Variants in PKNOX2 observed in about 807,000 individuals in gnomAD.
PKNOX2 encodes the protein homeobox protein PKNOX2.
PKNOX2 carries 14 observed loss-of-function variants against 53.1 expected under a neutral mutation model. The ratio of observed to expected loss-of-function variants is 0.26; its 90% CI spans 0.17 to 0.41. The LOEUF is 0.41. Among genes scored for constraint, PKNOX2 ranks in the 10% least tolerant of loss-of-function variants. PKNOX2 has a pLI of 1.00. For synonymous variants in PKNOX2, 257 were observed against 242.8 expected (o/e 1.06, Z -0.54); for missense variants, 496 against 602.8 (o/e 0.82, Z 1.85).
chr11:125,205,831 A>G (rs989107308), intron 1 of PKNOX2, among the ~76,000 whole-genome samples: 5 of 152,152 alleles, frequency 3.3e-5, no homozygotes, highest in African/African-American at 1.2e-4. Context: ...TCCATCTTCA[A>G]GGACTTTACC....
At chr11:125,400,780 GT>G (rs1262576989) in intron 7 of PKNOX2, among the ~76,000 whole-genome samples, 1 of 152,206 alleles carries the variant, frequency 6.6e-6, no homozygotes, top group Non-Finnish European at 1.5e-5. Flanking sequence ...TATGGCAAAA[GT>G]CACTGTGACT....
At chr11:125,174,179 G>A (rs902888566) in intron 1 of PKNOX2, among the ~76,000 whole-genome samples, 17 of 152,148 alleles carry the variant, frequency 1.1e-4, no homozygotes, top group Admixed American at 9.2e-4. Context: ...GGAGACAGAC[G>A]CCCAGAGAGT....
intron 6 of PKNOX2, among the ~76,000 whole-genome samples, chr11:125,386,211 G>A (rs1014621082): frequency 4.6e-5 from 7 of 152,204 alleles, no homozygotes; most frequent in African/African-American, 1.7e-4. Context: ...TGGAGGACCT[G>A]TTCATTCTGG....
chr11:125,174,223 G>T (rs1033956947), intron 1 of PKNOX2, among the ~76,000 whole-genome samples: 3 of 152,132 alleles, frequency 2.0e-5, no homozygotes, highest in African/African-American at 7.2e-5. Context: ...GGCGACAGGT[G>T]CTTGTTCTCA....
At chr11:125,222,017 T>C (rs1442755261) in intron 1 of PKNOX2, among the ~76,000 whole-genome samples, 1 of 152,196 alleles carries the variant, frequency 6.6e-6, no homozygotes, top group African/African-American at 2.4e-5. Flanking sequence ...GGAGAGGAAC[T>C]GTTGATGAGA....
Position 125,282,018 on chromosome 11 carries a change from C to T in PKNOX2, c.-130+46903C>T, listed in dbSNP as rs1030116563. 2.6e-5 allele frequency among the ~76,000 whole-genome samples: 4 copies of T among 152,342 alleles called. No homozygotes were observed. The East Asian group carries it at 5.8e-4, about 22-fold the overall frequency. On this transcript the variant is annotated intron_variant, in intron 2 of 12. Transcript: ENST00000298282. ...TCCCTTTTAGGACAAGGTGCAGCTGCTGCTGCCACGCCAGTGCTGTTGTGG... is the reference window on the plus strand; with the variant it reads ...TCCCTTTTAGGACAAGGTGCAGCTGTTGCTGCCACGCCAGTGCTGTTGTGG...
chr11:125,297,846 C>G (rs1303095750), intron 2 of PKNOX2, among the ~76,000 whole-genome samples: 1 of 152,190 alleles, frequency 6.6e-6, no homozygotes, highest in Non-Finnish European at 1.5e-5. Context: ...GAGCCTGGTG[C>G]CCATCTTTGA....
intron 2 of PKNOX2, among the ~76,000 whole-genome samples, chr11:125,250,260 T>TC (rs1943896383): frequency 6.6e-6 from 1 of 152,036 alleles, no homozygotes; most frequent in Non-Finnish European, 1.5e-5. Context: ...TACGTATATT[T>TC]CTTTTTTTCA....
In PKNOX2 at chr11:125,178,561, G is replaced by GGAAGGAAGGAAGGAAGGAAAGAAAGAAA. The variant is rs1565462235; in HGVS notation, c.-201+13788_-201+13789insGGAAGGAAGGAAGGAAAGAAAGAAAGAA. ...AAGGGAGAGAGAGAGAAGGAAGGAA[G>GGAAGGAAGGAAGGAAGGAAAGAAAGAAA]GAACGAAGGAAGGAAGGAAGGAAGG... On this transcript the variant is annotated intron_variant, in intron 1 of 12. Coordinates refer to ENST00000298282, the MANE Select transcript of PKNOX2 (RefSeq NM_001382323.2). Among the ~76,000 whole-genome samples the GGAAGGAAGGAAGGAAGGAAAGAAAGAAA allele has an allele frequency of 4.9e-5, 5 of 102,718 alleles. 1 individual carries two copies. Among genetic ancestry groups the GGAAGGAAGGAAGGAAGGAAAGAAAGAAA allele is most frequent in the African/African-American group, 3.3e-4 (5 of 15,384 alleles). The allele number at this position is 102,718 out of a possible 152,430, so 67.4% of individuals were successfully genotyped here. A position where few individuals can be genotyped will look rare whatever the true frequency, so the allele number is the denominator to read the frequency against.
intron 2 of PKNOX2, among the ~76,000 whole-genome samples, chr11:125,327,065 A>C (rs1949861638): frequency 6.6e-6 from 1 of 152,202 alleles, no homozygotes; most frequent in Non-Finnish European, 1.5e-5. Context: ...ACTGGGACAA[A>C]AAAGCTTGGT....
intron 4 of PKNOX2, among the ~76,000 whole-genome samples, chr11:125,357,538 G>A (rs1317793871): frequency 6.6e-6 from 1 of 152,136 alleles, no homozygotes. Flanking sequence ...ATAATTAATG[G>A]CCCTGGGATA....
At chr11:125,321,617 T>C (rs1949519026) in intron 2 of PKNOX2, among the ~76,000 whole-genome samples, 1 of 152,226 alleles carries the variant, frequency 6.6e-6, no homozygotes, top group Admixed American at 6.5e-5. Context: ...GGGCTGACCA[T>C]GTTCAACGCT....
chr11:125,226,654 G>T (rs1486099414), intron 1 of PKNOX2, among the ~76,000 whole-genome samples: 1 of 151,624 alleles, frequency 6.6e-6, no homozygotes, highest in African/African-American at 2.4e-5. Context: ...TCTTCTTTTA[G>T]ATTTCCTGCT....
chr11:125,371,665 G>A (rs1422512560), intron 5 of PKNOX2, among the ~76,000 whole-genome samples: 1 of 152,150 alleles, frequency 6.6e-6, no homozygotes, highest in African/African-American at 2.4e-5. Context: ...GAGGAGGTTG[G>A]CTTTGCGAAG....
chr11:125,218,053 G>A (rs1230324192), intron 1 of PKNOX2, among the ~76,000 whole-genome samples: 1 of 152,142 alleles, frequency 6.6e-6, no homozygotes, highest in South Asian at 2.1e-4. Context: ...TCTCCTCTTA[G>A]AGCAGGCAGA....
chr11:125,389,362 C>A (rs1953878665), intron 6 of PKNOX2, among the ~76,000 whole-genome samples: 3 of 152,206 alleles, frequency 2.0e-5, no homozygotes, highest in Non-Finnish European at 4.4e-5. Context: ...CACCACTCCT[C>A]CTTCACTTGC....
chr11:125,430,040 A>G lies in PKNOX2; in HGVS notation c.1091A>G (p.Lys364Arg), dbSNP rs372781903. The G allele has an allele frequency of 1.2e-6, 2 of 1,614,126 alleles. No individual in the cohort carries two copies. The highest frequency in any genetic ancestry group is 2.7e-5 in the African/African-American group (2 of 74,950). ...SNPDPAPKAKKIKSQHRPTQR... is the reference protein window; with the variant it reads ...SNPDPAPKAKRIKSQHRPTQR... ...CCAGATCCTGCCCCCAAAGCCAAGA[A>G]GATCAAGTCTCAGCACCGGCCCACC... Residue 364 changes from lysine to arginine, a missense_variant, in exon 12 of 13, where the codon AAG becomes AGG. Coordinates refer to ENST00000298282, the MANE Select transcript of PKNOX2 (RefSeq NM_001382323.2).
chr11:125,384,286 A>G (rs770965717), intron 5 of PKNOX2, among the ~76,000 whole-genome samples: 1 of 152,250 alleles, frequency 6.6e-6, no homozygotes, highest in East Asian at 1.9e-4. Context: ...TGAGGAAGGC[A>G]GACAATAAAA....
chr11:125,178,510 CAA>C (rs56057149), intron 1 of PKNOX2, among the ~76,000 whole-genome samples: 6 of 91,914 alleles, frequency 6.5e-5, no homozygotes, highest in Non-Finnish European at 4.3e-5. Context: ...AACTCTGTCT[CAA>C]AAAAAAAAAA....
Sources: allele counts gnomAD v4.1 joint callset (sites outside exome capture counted in the v4.1 genomes callset), GRCh38; gene constraint gnomAD v4.1.1; transcripts MANE v1.5; gene names NCBI Gene and HGNC (gene_info 2026-07-23, HGNC 2026-07-21).